TENT5D: variants seen among roughly 807,000 people sequenced by gnomAD.
TENT5D encodes terminal nucleotidyltransferase 5D, also known as cancer/testis antigen 112.
For synonymous variants in TENT5D, 103 were observed against 100.6 expected (o/e 1.02, Z -0.15); for missense variants, 191 against 287.0 (o/e 0.67, Z 2.42).
intron 3 of TENT5D, among the ~76,000 whole-genome samples, chrX:80,399,446 T>C (rs1207253380): frequency 8.9e-6 from 1 of 112,191 alleles, no homozygotes; most frequent in African/African-American, 3.2e-5. Flanking sequence ...TTCTAGGCTT[T>C]CTTTTTTTCC....
intron 3 of TENT5D, among the ~76,000 whole-genome samples, chrX:80,399,976 A>T (rs959125894): frequency 2.7e-5 from 3 of 111,344 alleles, no homozygotes; most frequent in African/African-American, 6.5e-5. Flanking sequence ...GGGAGGGAAT[A>T]TATTAGGGGA....
intron 1 of TENT5D, among the ~76,000 whole-genome samples, chrX:80,427,994 T>TA (rs1321861986): frequency 8.9e-6 from 1 of 112,598 alleles, no homozygotes; most frequent in African/African-American, 3.2e-5. Flanking sequence ...ATAAAGGCTT[T>TA]AAAAATATAC....
At chrX:80,436,959 T>A (rs897820029) in intron 1 of TENT5D, among the ~76,000 whole-genome samples, 1 of 112,022 alleles carries the variant, frequency 8.9e-6, no homozygotes, top group African/African-American at 3.2e-5. Flanking sequence ...ATTTGGTATC[T>A]TTTTGCTTTG....
At chrX:80,438,495 T>C (rs1422461350) in intron 1 of TENT5D, 115 bp from the exon 2 acceptor site, 1 of 109,380 alleles carries the variant, frequency 9.1e-6, no homozygotes, top group Non-Finnish European at 1.9e-5. Flanking sequence ...TGTGTATGTA[T>C]GTATGTATGT....
chrX:80,407,049 C>G (rs1436556468), intron 3 of TENT5D, among the ~76,000 whole-genome samples: 1 of 108,039 alleles, frequency 9.3e-6, no homozygotes, highest in Non-Finnish European at 1.9e-5. Flanking sequence ...CAAGCAAATG[C>G]TGAGAGATTT....
At chrX:80,368,084 A>T (rs2147524931) in intron 3 of TENT5D, among the ~76,000 whole-genome samples, 1 of 111,954 alleles carries the variant, frequency 8.9e-6, no homozygotes, top group East Asian at 2.8e-4. Context: ...TTCCTGTACC[A>T]AAATATTTCA....
At position 80,404,877 on chromosome X, in the gene TENT5D, T is replaced by G. The variant is rs190852730; in HGVS notation, c.-141-33733T>G. Among the ~76,000 whole-genome samples, 882 of 112,241 alleles carry G rather than the reference T, an allele frequency of 7.9e-3. 8 individuals carry two copies. Among genetic ancestry groups the G allele is most frequent in the African/African-American group, 0.026 (806 of 30,881 alleles). ...AAAGAATTTTTATAATCTCGGTTTT[T>G]TTCTAAGCAAACCAAAACTTAATAA... is the stretch of plus-strand genomic sequence containing the variant. On this transcript the variant is annotated intron_variant, in intron 3 of 4. Coordinates refer to the TENT5D transcript ENST00000538312.
chrX:80,402,661 T>A (rs1215309490), intron 3 of TENT5D, among the ~76,000 whole-genome samples: 1 of 111,898 alleles, frequency 8.9e-6, no homozygotes, highest in African/African-American at 3.2e-5. Context: ...TTCAGGAGCA[T>A]GGTATTTAAT....
intron 3 of TENT5D, among the ~76,000 whole-genome samples, chrX:80,398,781 T>A (rs938175945): frequency 1.8e-5 from 2 of 111,029 alleles, no homozygotes; most frequent in African/African-American, 6.6e-5. Flanking sequence ...TCTTTTTTTT[T>A]TATAATGCCA....
At chrX:80,379,691 G>T (rs1272421615) in intron 3 of TENT5D, among the ~76,000 whole-genome samples, 1 of 111,025 alleles carries the variant, frequency 9.0e-6, no homozygotes, top group Non-Finnish European at 1.9e-5. Flanking sequence ...TCTTGGGAGG[G>T]TGTATGTGTC....
intron 3 of TENT5D, among the ~76,000 whole-genome samples, chrX:80,396,899 G>T: frequency 1.1e-5 from 1 of 88,963 alleles, no homozygotes; most frequent in Admixed American, 1.2e-4. Context: ...GGCCGGGCGG[G>T]GGGCTGACCC....
intron 3 of TENT5D, among the ~76,000 whole-genome samples, chrX:80,406,087 AAAACCCATCTGT>A (rs1303336170): frequency 1.5e-4 from 16 of 110,016 alleles, no homozygotes; most frequent in Admixed American, 1.3e-3. Flanking sequence ...ATCCACACCA[AAAACCCATCTGT>A]ACATCACCAT....
intron 3 of TENT5D, among the ~76,000 whole-genome samples, chrX:80,390,753 G>A (rs1931108024): frequency 9.0e-6 from 1 of 111,213 alleles, no homozygotes; most frequent in Non-Finnish European, 1.9e-5. Context: ...ATATGAACAT[G>A]GGAATAAATG....
At chrX:80,387,699 A>G (rs761173652) in intron 3 of TENT5D, among the ~76,000 whole-genome samples, 2 of 111,182 alleles carry the variant, frequency 1.8e-5, no homozygotes, top group African/African-American at 3.3e-5. Context: ...ACCTGAAGCC[A>G]GCATAGCACT....
chrX:80,346,952 G>A, intron 3 of TENT5D, among the ~76,000 whole-genome samples: 1 of 111,004 alleles, frequency 9.0e-6, no homozygotes, highest in Non-Finnish European at 1.9e-5. Context: ...TCCTGTGTTA[G>A]TTTGCGAGGA....
chrX:80,366,329 A>G (rs1240583815), intron 3 of TENT5D, among the ~76,000 whole-genome samples: 1 of 110,413 alleles, frequency 9.1e-6, no homozygotes, highest in East Asian at 2.8e-4. Flanking sequence ...AGAAAATAGT[A>G]AAATGTCTTA....
intron 3 of TENT5D, among the ~76,000 whole-genome samples, chrX:80,386,053 C>A (rs762957238): frequency 1.7e-3 from 187 of 112,120 alleles, no homozygotes; most frequent in Non-Finnish European, 2.9e-3. Context: ...TACCATTTGA[C>A]CCAACCATCC....
intron 3 of TENT5D, among the ~76,000 whole-genome samples, chrX:80,385,192 C>G (rs1007367940): frequency 9.0e-6 from 1 of 111,493 alleles, no homozygotes; most frequent in Admixed American, 9.5e-5. Context: ...CTACAGTAAC[C>G]AAAACAGTAT....
At chrX:80,412,279 C>T (rs1157486937) in intron 3 of TENT5D, among the ~76,000 whole-genome samples, 1 of 112,233 alleles carries the variant, frequency 8.9e-6, no homozygotes, top group African/African-American at 3.2e-5. Flanking sequence ...GCCCACAAAA[C>T]CACATTTTCC....
Sources: allele counts gnomAD v4.1 joint callset (sites outside exome capture counted in the v4.1 genomes callset), GRCh38; gene constraint gnomAD v4.1.1; transcripts MANE v1.5; gene names NCBI Gene and HGNC (gene_info 2026-07-23, HGNC 2026-07-21).